The following GLRB variants were observed in gnomAD, a reference collection of about 807,000 sequenced individuals.
The protein encoded by GLRB is glycine receptor subunit beta.
GLRB carries 33 observed loss-of-function variants against 54.2 expected under a neutral mutation model. The observed-to-expected ratio is 0.61, with a 90% CI of 0.46 to 0.81. GLRB has a LOEUF of 0.81. Among genes scored for constraint, GLRB ranks in the 40% least tolerant of loss-of-function variants. The pLI is 0.00. For missense variants in GLRB, 572 were observed against 584.6 expected (o/e 0.98, Z 0.22); for synonymous variants, 209 against 208.2 (o/e 1.00, Z -0.03).
chr4:157,154,675 C>T (rs890757501), intron 9 of GLRB, among the ~76,000 whole-genome samples: 6 of 152,120 alleles, frequency 3.9e-5, no homozygotes, highest in East Asian at 1.9e-4. Context: ...GATCCGCCCA[C>T]ATTGGCCTCC....
At chr4:157,081,390 C>T (rs1235581707) in intron 2 of GLRB, among the ~76,000 whole-genome samples, 1 of 152,114 alleles carries the variant, frequency 6.6e-6, no homozygotes, top group Non-Finnish European at 1.5e-5. Flanking sequence ...CACACCCATA[C>T]ATCCACCATT....
Position 157,120,581 on chromosome 4 carries a change from C to T in GLRB, c.148C>T (p.Arg50Ter). ...PSQQSAEDLA[R>*]VPANSTSNIL... ...TCAGCAGTCAGCAGAGGACCTTGCC[C>T]GAGTACCTGCCAACTCCACTAGCAA... Residue 50 changes from arginine (R) to a stop codon, truncating the protein, a stop_gained, in exon 3 of 10, where the codon CGA (arginine) becomes TGA (stop). Coordinates refer to ENST00000264428, the MANE Select transcript of GLRB (RefSeq NM_000824.5). LOFTEE classifies it high-confidence loss of function. 1.9e-6 allele frequency: 3 copies of T among 1,598,098 alleles called. No homozygotes were observed. Among genetic ancestry groups the T allele is most frequent in the Non-Finnish European group, 2.6e-6 (3 of 1,167,700 alleles).
intron 2 of GLRB, among the ~76,000 whole-genome samples, chr4:157,093,318 A>G (rs956835540): frequency 6.6e-6 from 1 of 152,224 alleles, no homozygotes; most frequent in East Asian, 1.9e-4. Flanking sequence ...TTTGTAAATA[A>G]GAAACCATTC....
At chr4:157,127,783 G>T (rs566374228) in intron 4 of GLRB, among the ~76,000 whole-genome samples, 1 of 151,954 alleles carries the variant, frequency 6.6e-6, no homozygotes, top group East Asian at 2.0e-4. Flanking sequence ...CCAAAGGAAA[G>T]AGGTTCATTC....
chr4:157,123,214 C>T (rs561790772), intron 4 of GLRB, among the ~76,000 whole-genome samples: 1 of 151,632 alleles, frequency 6.6e-6, no homozygotes, highest in East Asian at 2.0e-4. Context: ...ATTTATTTTC[C>T]TGTATTTTTG....
intron 2 of GLRB, among the ~76,000 whole-genome samples, chr4:157,117,501 C>T (rs532769396): frequency 1.6e-4 from 24 of 151,776 alleles, no homozygotes; most frequent in African/African-American, 5.5e-4. Context: ...GGTTGATTCT[C>T]CAATATTCAT....
At chr4:157,156,874 G>C (rs1376284987) in intron 9 of GLRB, among the ~76,000 whole-genome samples, 1 of 152,084 alleles carries the variant, frequency 6.6e-6, no homozygotes, top group East Asian at 1.9e-4. Context: ...TGGACATTTT[G>C]ATATTATATT....
At chr4:157,093,754 C>CAAAAAA (rs70958808) in intron 2 of GLRB, among the ~76,000 whole-genome samples, 12 of 60,796 alleles carry the variant, frequency 2.0e-4, no homozygotes, top group Non-Finnish European at 2.5e-4. Flanking sequence ...GACTCCATCT[C>CAAAAAA]AAAAAAAAAA....
At chr4:157,148,128 G>A (rs1200200098) in intron 8 of GLRB, among the ~76,000 whole-genome samples, 1 of 152,122 alleles carries the variant, frequency 6.6e-6, no homozygotes, top group Non-Finnish European at 1.5e-5. Flanking sequence ...TATACCAATT[G>A]ATTTCTAGAT....
intron 8 of GLRB, among the ~76,000 whole-genome samples, chr4:157,144,403 C>A (rs1736732100): frequency 6.6e-6 from 1 of 152,080 alleles, no homozygotes; most frequent in Non-Finnish European, 1.5e-5. Flanking sequence ...ATTTTCCCAA[C>A]CATTGGTTAT....
chr4:157,080,025 G>T (rs1024584352), intron 2 of GLRB, among the ~76,000 whole-genome samples: 6 of 152,092 alleles, frequency 3.9e-5, no homozygotes, highest in African/African-American at 1.4e-4. Flanking sequence ...TTCTGAAGAT[G>T]GCAACAGCAA....
At chr4:157,079,182 A>C (rs763401419) in intron 2 of GLRB, among the ~76,000 whole-genome samples, 3 of 152,250 alleles carry the variant, frequency 2.0e-5, no homozygotes, top group Non-Finnish European at 2.9e-5. Flanking sequence ...ACGTGCTTTT[A>C]GGTAATAATG....
intron 9 of GLRB, among the ~76,000 whole-genome samples, chr4:157,155,410 G>A (rs1737187887): frequency 6.6e-6 from 1 of 152,128 alleles, no homozygotes; most frequent in African/African-American, 2.4e-5. Flanking sequence ...GGGAATACAG[G>A]CATGAACCAC....
At chr4:157,132,416 T>C (rs1408837760) in intron 4 of GLRB, among the ~76,000 whole-genome samples, 1 of 151,860 alleles carries the variant, frequency 6.6e-6, no homozygotes, top group East Asian at 1.9e-4. Context: ...TATTGTATTG[T>C]TGATGAAACT....
intron 2 of GLRB, among the ~76,000 whole-genome samples, chr4:157,117,105 G>A (rs777319864): frequency 9.6e-4 from 145 of 151,754 alleles, no homozygotes; most frequent in Non-Finnish European, 1.7e-3. Flanking sequence ...CTGATAGAAA[G>A]GGCCAATTTA....
chr4:157,157,270 G>A (rs1359973486), intron 9 of GLRB, among the ~76,000 whole-genome samples: 1 of 152,096 alleles, frequency 6.6e-6, no homozygotes, highest in Non-Finnish European at 1.5e-5. Flanking sequence ...CCTTGTTACT[G>A]GTCTACAGTG....
chr4:157,163,720 A>T (rs1008480500), intron 9 of GLRB, among the ~76,000 whole-genome samples: 2 of 152,022 alleles, frequency 1.3e-5, no homozygotes, highest in Non-Finnish European at 2.9e-5. Context: ...CTGGGATTAT[A>T]TGAGACAAAA....
At chr4:157,099,196 C>T (rs1274350285) in intron 2 of GLRB, among the ~76,000 whole-genome samples, 2 of 152,038 alleles carry the variant, frequency 1.3e-5, no homozygotes, top group African/African-American at 2.4e-5. Context: ...TAGTTATTTA[C>T]AGTAAGGTGC....
chr4:157,152,827 C>G lies in GLRB; in HGVS notation c.1014C>G (p.Leu338=). The G allele has an allele frequency of 6.2e-7, 1 of 1,614,074 alleles. No homozygotes were observed. Among genetic ancestry groups the G allele is most frequent in the Non-Finnish European group, 8.5e-7 (1 of 1,179,988 alleles). ...ALDVWLIACL[L]FGFASLVEYA... is the part of the protein sequence containing the mutation. The stretch of plus-strand genomic sequence containing the variant: ...ATGTTTGGCTTATTGCTTGCCTTCT[C>G]TTTGGGTTTGCTTCCCTGGTGGAGT... Residue 338 remains leucine, a synonymous_variant, in exon 9 of 10, where the codon CTC becomes CTG. Transcript: ENST00000264428.
Sources: allele counts gnomAD v4.1 joint callset (sites outside exome capture counted in the v4.1 genomes callset), GRCh38; gene constraint gnomAD v4.1.1; transcripts MANE v1.5; gene names NCBI Gene and HGNC (gene_info 2026-07-23, HGNC 2026-07-21).